Variants in AP1S1 observed in about 807,000 individuals in gnomAD.
AP1S1 encodes AP-1 complex subunit sigma-1A.
AP1S1 carries 13 observed loss-of-function variants against 23.9 expected under a neutral mutation model. That is an observed-to-expected ratio of 0.54 (90% CI 0.35 to 0.86). The LOEUF is 0.86. Among genes scored for constraint, AP1S1 ranks in the 40% least tolerant of loss-of-function variants. AP1S1 has a pLI of 0.01. For missense variants in AP1S1, 119 were observed against 197.6 expected, an observed-to-expected ratio of 0.60 and a Z score of 2.38; for synonymous variants, 84 against 77.7, an observed-to-expected ratio of 1.08 and a Z score of -0.43.
In AP1S1 at chr7:101,160,429, C is replaced by T. The variant is rs2074684; in HGVS notation, c.430-90C>T. The T allele has an allele frequency of 0.18, 269,201 of 1,475,384 alleles. 29,303 individuals are homozygous for T. The highest frequency in any genetic ancestry group is 0.44 in the East Asian group (19,249 of 44,042). 91.4% of individuals were successfully genotyped at this position (1,475,384 alleles called of 1,614,324 possible). ...CCCTCCCCCGTGTCTGTGCCTCCCC[C>T]GTCTGACTCTTCCTCGTGACTGCTG... On this transcript the variant is annotated intron_variant, in intron 4 of 4. Coordinates refer to ENST00000337619, the MANE Select transcript of AP1S1 (RefSeq NM_001283.5).
chr7:101,158,306 T>C (rs1797026839), intron 3 of AP1S1, among the ~76,000 whole-genome samples: 1 of 152,244 alleles, frequency 6.6e-6, no homozygotes. Flanking sequence ...TATCCCATCC[T>C]AGCAGTAGGT....
chr7:101,160,771 GT>G lies in AP1S1; in HGVS notation c.*209del. ...CCACTTTCCCCTTTTCCCACTGAAG[GT>G]TTTAGAAGCTAGGAGGCAGGAAAAT... On this transcript the variant is annotated 3_prime_UTR_variant, in exon 5 of 5. Transcript: ENST00000337619. 1.4e-6 allele frequency: 1 copy of G among 737,878 alleles called. No homozygotes were observed. 45.7% of individuals were successfully genotyped at this position (737,878 alleles called of 1,614,324 possible).
At chr7:101,156,097 TG>T (rs1796987317) in intron 1 of AP1S1, among the ~76,000 whole-genome samples, 1 of 152,032 alleles carries the variant, frequency 6.6e-6, no homozygotes, top group Non-Finnish European at 1.5e-5. Context: ...CCGGGCGTGA[TG>T]GCACGTGACT....
At chr7:101,155,784 A>C (rs545898574) in intron 1 of AP1S1, among the ~76,000 whole-genome samples, 1 of 152,326 alleles carries the variant, frequency 6.6e-6, no homozygotes, top group Admixed American at 6.5e-5. Context: ...ACAAAATACC[A>C]GATTTCAGCA....
At position 101,156,850 on chromosome 7, in the gene AP1S1, T is replaced by C. The variant is rs4727481; in HGVS notation, c.182+78T>C. 1,213,892 of 1,330,092 alleles carry C rather than the reference T, an allele frequency of 0.91. 554,460 individuals carry two copies. Among genetic ancestry groups the C allele is most frequent in the African/African-American group, 0.98 (65,657 of 67,162 alleles). The allele number at this position is 1,330,092 out of a possible 1,614,324, so 82.4% of individuals were successfully genotyped here. On this transcript the variant is annotated intron_variant, in intron 2 of 4. Transcript: ENST00000337619. ...TAAAATGTCTGAGAAATGGTCGTCCTGTAGGTCAGGGAGACCTGGGAGCTG... is the reference window on the plus strand; with the variant it reads ...TAAAATGTCTGAGAAATGGTCGTCCCGTAGGTCAGGGAGACCTGGGAGCTG...
In AP1S1 at chr7:101,159,089, G is replaced by T; in HGVS notation, c.322G>T (p.Glu108Ter). The part of the protein sequence containing the change: ...VCELDIIFNF[E>*]KAYFILDEFL... ...CGAGCTGGACATCATCTTCAACTTTGAGAAGGCCTACTTCATCCTGGATGA... is the reference window on the plus strand; with the variant it reads ...CGAGCTGGACATCATCTTCAACTTTTAGAAGGCCTACTTCATCCTGGATGA... The change falls in exon 4 of 5, where the codon GAG becomes TAG. Residue 108 changes from glutamate to a stop codon, truncating the protein, a stop_gained. Transcript: ENST00000337619. LOFTEE classifies it high-confidence loss of function. The T allele has an allele frequency of 1.2e-6, 2 of 1,613,606 alleles. No individual in the cohort carries two copies. Among genetic ancestry groups the T allele is most frequent in the Non-Finnish European group, 1.7e-6 (2 of 1,179,750 alleles).
intron 1 of AP1S1, 133 bp downstream of exon 1, chr7:101,154,650 C>A: frequency 2.4e-6 from 2 of 850,774 alleles, no homozygotes; most frequent in Non-Finnish European, 2.8e-6. Context: ...CTTGCCTCGG[C>A]GGGTGGGCGA....
intron 2 of AP1S1, 22 bp from the exon 3 acceptor site, chr7:101,157,355 T>C: frequency 6.6e-7 from 1 of 1,521,122 alleles, no homozygotes; most frequent in Non-Finnish European, 8.9e-7. Flanking sequence ...TGTAGCGATG[T>C]CTCATGCGCT....
At chr7:101,157,960 A>AT (rs1012735480) in intron 3 of AP1S1, among the ~76,000 whole-genome samples, 66 of 146,732 alleles carry the variant, frequency 4.5e-4, no homozygotes, top group East Asian at 1.6e-3. Flanking sequence ...TAATTTTTGT[A>AT]TTTTTTTTTT....
In AP1S1 at chr7:101,160,467, T is replaced by C. The variant is rs894348223; in HGVS notation, c.430-52T>C. On this transcript the variant is annotated intron_variant, in intron 4 of 4. Coordinates refer to ENST00000337619, the MANE Select transcript of AP1S1 (RefSeq NM_001283.5). ...CTCGTGACTGCTGTCTTGCCCACCC[T>C]GTCGGCCTCTCCTGGTGTCTCTGCG... The C allele has an allele frequency of 6.3e-6, 10 of 1,598,250 alleles. No homozygotes were observed. The Admixed American group carries it at 8.3e-5, about 13-fold the overall frequency.
At chr7:101,157,554 C>T (rs1403602290) in intron 3 of AP1S1, 69 bp downstream of exon 3, 1 of 1,222,682 alleles carries the variant, frequency 8.2e-7, no homozygotes, top group East Asian at 2.6e-5. Context: ...AACTTTGAGG[C>T]CCCTCCAGTC....
chr7:101,158,928 A>AG, intron 3 of AP1S1, 131 bp from the exon 4 acceptor site: 2 of 1,252,102 alleles, frequency 1.6e-6, no homozygotes, highest in Non-Finnish European at 2.2e-6. Flanking sequence ...AAACAAAAAA[A>AG]CTGAAAAAGC....
intron 1 of AP1S1, 58 bp downstream of exon 1, chr7:101,154,575 G>A: frequency 1.3e-6 from 2 of 1,542,092 alleles, no homozygotes; most frequent in Non-Finnish European, 1.7e-6. Context: ...TGCACCTGCG[G>A]GGGTCCTCGG....
intron 1 of AP1S1, among the ~76,000 whole-genome samples, chr7:101,155,586 A>G (rs1796980181): frequency 6.6e-6 from 1 of 152,208 alleles, no homozygotes; most frequent in Admixed American, 6.5e-5. Flanking sequence ...CGAAGACCAA[A>G]TGCCTGGGTG....
Position 101,160,632 on chromosome 7 carries a change from T to C in AP1S1, c.*66T>C. ...GTGGCGGGAACGGCTGCTTCTCCTC[T>C]GCCCAGGGCCCTGTTCTTGGTGGGA... On this transcript the variant is annotated 3_prime_UTR_variant, in exon 5 of 5. Coordinates refer to ENST00000337619, the MANE Select transcript of AP1S1 (RefSeq NM_001283.5). 6.4e-7 allele frequency: 1 copy of C among 1,564,746 alleles called. No individual in the cohort carries two copies. The highest frequency in any genetic ancestry group is 2.2e-5 in the East Asian group (1 of 44,522).
intron 4 of AP1S1, 89 bp downstream of exon 4, chr7:101,159,285 A>G: frequency 6.6e-7 from 1 of 1,517,238 alleles, no homozygotes; most frequent in Non-Finnish European, 8.8e-7. Flanking sequence ...TGCCCTGCCC[A>G]CCGTCGCCAA....
At chr7:101,156,364 T>G in intron 1 of AP1S1, 2 of 493,642 alleles carry the variant, frequency 4.1e-6, no homozygotes, top group Non-Finnish European at 7.2e-6. Flanking sequence ...ATAAGGAAAC[T>G]GAGGCCCAGA....
At position 101,160,507 on chromosome 7, in the gene AP1S1, T is replaced by C. The variant is rs1440239836; in HGVS notation, c.430-12T>C. On this transcript the variant is annotated splice_polypyrimidine_tract_variant and intron_variant, in intron 4 of 4. Coordinates refer to ENST00000337619, the MANE Select transcript of AP1S1 (RefSeq NM_001283.5). ...GTGTCTCTGCGTCACCCTCTGTCTG[T>C]CTCTGCCTTAGGAGGATGAGTCGCC... 6.2e-7 allele frequency: 1 copy of C among 1,610,886 alleles called. No homozygotes were observed. Among genetic ancestry groups the C allele is most frequent in the Admixed American group, 1.7e-5 (1 of 60,014 alleles).
At chr7:101,154,948 G>A (rs1297866899) in intron 1 of AP1S1, 2 of 1,045,834 alleles carry the variant, frequency 1.9e-6, no homozygotes, top group African/African-American at 3.4e-5. Flanking sequence ...GGGGAGAGGG[G>A]TGTGGGAGGG....
Sources: gnomAD v4.1 joint callset for allele counts (sites outside exome capture counted in the v4.1 genomes callset) on GRCh38, gnomAD v4.1.1 for gene constraint, MANE v1.5 for transcripts, NCBI Gene and HGNC (gene_info 2026-07-23, HGNC 2026-07-21) for gene names.